Variants in AAK1 observed in about 807,000 individuals in gnomAD.
AAK1 encodes AP2 associated kinase 1.
In AAK1, 37 loss-of-function variants were observed where a neutral mutation model predicts 116.0. That is an observed-to-expected ratio of 0.32 (90% CI 0.25 to 0.42). The LOEUF (loss-of-function observed/expected upper bound fraction) is 0.42. AAK1 is among the 10% of genes least tolerant of loss of function. The pLI, the probability that AAK1 is intolerant of heterozygous loss-of-function variation, is 1.00. For synonymous variants in AAK1, 458 were observed against 439.9 expected, an observed-to-expected ratio of 1.04 and a Z score of -0.51; for missense variants, 919 against 1,170.6, an observed-to-expected ratio of 0.79 and a Z score of 3.14.
chr2:69,637,824 G>A (rs546425350), intron 2 of AAK1, among the ~76,000 whole-genome samples: 3 of 152,036 alleles, frequency 2.0e-5, no homozygotes, highest in East Asian at 1.9e-4. Flanking sequence ...TCTACATGGC[G>A]TTTTAGCTAC....
At chr2:69,524,658 C>T (rs1354191875) in intron 10 of AAK1, among the ~76,000 whole-genome samples, 2 of 152,094 alleles carry the variant, frequency 1.3e-5, no homozygotes, top group Admixed American at 6.6e-5. Flanking sequence ...GTCTTGAACT[C>T]CCGACCTCAG....
In AAK1 at chr2:69,502,166, GATATAT is replaced by G. The variant is rs150369717; in HGVS notation, c.2269+3397_2269+3402del. ...AAATTAATGTACACAGATATTAAAA[GATATAT>G]ATATATATTGTTGTACTTTAATGAA... On this transcript the variant is annotated intron_variant, in intron 16 of 21. Transcript: ENST00000409085. Among the ~76,000 whole-genome samples, 384 of 151,008 alleles carry G rather than the reference GATATAT, an allele frequency of 2.5e-3. 1 individual carries two copies. The highest frequency in any genetic ancestry group is 8.8e-3 in the African/African-American group (362 of 41,188).
At chr2:69,587,961 C>A (rs1672864157) in intron 2 of AAK1, among the ~76,000 whole-genome samples, 1 of 151,942 alleles carries the variant, frequency 6.6e-6, no homozygotes, top group African/African-American at 2.4e-5. Context: ...CAAGGTCTCA[C>A]TATGTTGTCC....
At chr2:69,489,949 T>C (rs1156889943) in intron 17 of AAK1, among the ~76,000 whole-genome samples, 3 of 152,126 alleles carry the variant, frequency 2.0e-5, no homozygotes, top group African/African-American at 7.2e-5. Context: ...CAGTTGGAAA[T>C]GAGGAAGAGG....
chr2:69,519,038 C>T lies in AAK1; in HGVS notation c.1413G>A (p.Gln471=), dbSNP rs1669622827. The T allele has an allele frequency of 6.4e-7, 1 of 1,550,714 alleles. No individual in the cohort carries two copies. The highest frequency in any genetic ancestry group is 8.7e-7 in the Non-Finnish European group (1 of 1,146,704). The change falls in exon 12 of 22, where the codon CAG becomes CAA. Residue 471 remains glutamine (Q), a synonymous_variant. Transcript: ENST00000409085. The part of the protein sequence containing the change: ...PQHQQQLFLK[Q]QQQQQQPPPA... ...GCGGTGGCTGTTGCTGCTGCTGTTG[C>T]TGCTTGAGGAAGAGTTGCTGCTGGT... is the stretch of plus-strand genomic sequence containing the variant.
At position 69,478,963 on chromosome 2, in the gene AAK1, G is replaced by A. The variant is rs1385806196; in HGVS notation, c.2668C>T (p.Pro890Ser). The part of the protein sequence containing the change: ...EEFAPTAISA[P>S]VHKAAEDSNL... ...AGAAAGCATTTACCTTTATGGACTG[G>A]AGCAGAGATTGCTGTGGGGGCAAAC... is the stretch of plus-strand genomic sequence containing the variant. The change falls in exon 20 of 22, where the codon CCA becomes TCA. Residue 890 changes from proline to serine, a missense_variant. Pro to Ser is a moderately conservative substitution (Grantham distance 74). Around this residue, in one of 4 missense-constraint regions of AAK1, gnomAD observed 263 missense variants for 285.5 expected, o/e 0.92. Coordinates refer to ENST00000409085, the MANE Select transcript of AAK1 (RefSeq NM_014911.5). 2 of 1,611,618 alleles carry A rather than the reference G, an allele frequency of 1.2e-6. No individual in the cohort carries two copies. The highest frequency in any genetic ancestry group is 1.1e-5 in the South Asian group (1 of 91,022).
At chr2:69,587,473 A>AT (rs201115417) in intron 2 of AAK1, among the ~76,000 whole-genome samples, 2,970 of 145,560 alleles carry the variant, frequency 0.02, 222 homozygotes, top group East Asian at 0.14. Flanking sequence ...ATATATATAT[A>AT]TATATTTTTT....
chr2:69,570,955 T>A (rs60701384), intron 2 of AAK1, among the ~76,000 whole-genome samples: 18,524 of 151,892 alleles, frequency 0.12, 2,518 homozygotes, highest in African/African-American at 0.31. Context: ...GCTCTAAGTT[T>A]GGTGTAGATC....
rs1364671025 is a variant in AAK1 at position 69,570,014 on chromosome 2, G to A, written c.164-13036C>T. On this transcript the variant is annotated intron_variant, in intron 2 of 21. Coordinates refer to ENST00000409085, the MANE Select transcript of AAK1 (RefSeq NM_014911.5). ...AGTAGAAGTGCTGGGTCACTGGATA[G>A]GTATATGTTTAATTTTATAAGAAAG... Among the ~76,000 whole-genome samples, 5 of 152,132 alleles carry A rather than the reference G, an allele frequency of 3.3e-5. No individual in the cohort carries two copies. In the East Asian group the frequency reaches 7.8e-4, roughly 24 times the overall value.
chr2:69,556,788 T>C (rs1346722265), intron 3 of AAK1, 72 bp downstream of exon 3: 13 of 1,225,902 alleles, frequency 1.1e-5, no homozygotes, highest in Middle Eastern at 1.9e-4. Context: ...CAAACCCCGC[T>C]TGGCTTTCTT....
intron 15 of AAK1, among the ~76,000 whole-genome samples, chr2:69,506,112 C>T (rs1476307081): frequency 6.6e-6 from 1 of 151,860 alleles, no homozygotes; most frequent in African/African-American, 2.4e-5. Context: ...AATAATGAGA[C>T]GTTATGAGGG....
At chr2:69,643,483 T>C in intron 1 of AAK1, 92 bp downstream of exon 1, 1 of 1,216,258 alleles carries the variant, frequency 8.2e-7, no homozygotes, top group Non-Finnish European at 1.0e-6. Context: ...GGATCCGAGC[T>C]GCTCCGGCAG....
intron 17 of AAK1, among the ~76,000 whole-genome samples, chr2:69,483,952 A>G (rs1675193117): frequency 6.6e-6 from 1 of 152,242 alleles, no homozygotes; most frequent in African/African-American, 2.4e-5. Flanking sequence ...TATTAAAGGT[A>G]AAGCATTAAC....
chr2:69,501,795 C>A (rs1675988819), intron 16 of AAK1, among the ~76,000 whole-genome samples: 1 of 152,062 alleles, frequency 6.6e-6, no homozygotes, highest in Non-Finnish European at 1.5e-5. Context: ...TATGGTGAAA[C>A]CCCATCTCTA....
In AAK1 at chr2:69,467,218, C is replaced by T. The variant is rs1674516590; in HGVS notation, c.*8651G>A. ...GCCCCAGAATTTTGTTTTCAGTCTT[C>T]TAAGTTCATAAAGATCTCCTCTGCT... On this transcript the variant is annotated 3_prime_UTR_variant, in exon 22 of 22. Transcript: ENST00000409085. 4.1e-6 allele frequency: 4 copies of T among 985,260 alleles called. No individual in the cohort carries two copies. The highest frequency in any genetic ancestry group is 6.1e-5 in the Admixed American group (1 of 16,262). The allele number at this position is 985,260 out of a possible 1,614,324, so 61.0% of individuals were successfully genotyped here. A position where few individuals can be genotyped will look rare whatever the true frequency, so the allele number is the denominator to read the frequency against.
intron 5 of AAK1, among the ~76,000 whole-genome samples, chr2:69,538,743 G>A (rs181579988): frequency 6.6e-5 from 10 of 152,250 alleles, no homozygotes; most frequent in Middle Eastern, 3.4e-3. Flanking sequence ...TTAGCCACGC[G>A]TGGTGGCGGG....
rs1323352283 is a variant in AAK1, at chr2:69,463,367, A to G, written c.*12502T>C. On this transcript the variant is annotated 3_prime_UTR_variant, in exon 22 of 22. Transcript: ENST00000409085. Reference sequence around the variant, plus strand: ...ATACAGGCTTTATTTTTATTATTATATTTTTGGAGACAGTGTCTCACTCTG... The same window carrying G: ...ATACAGGCTTTATTTTTATTATTATGTTTTTGGAGACAGTGTCTCACTCTG... The G allele has an allele frequency of 1.3e-5, 2 of 152,048 alleles. No individual in the cohort carries two copies. The highest frequency in any genetic ancestry group is 2.9e-5 in the Non-Finnish European group (2 of 68,028). 9.4% of individuals were successfully genotyped at this position (152,048 alleles called of 1,614,324 possible).
At chr2:69,532,188 T>C in intron 5 of AAK1, 26 bp from the exon 6 acceptor site, 1 of 1,611,556 alleles carries the variant, frequency 6.2e-7, no homozygotes. Context: ...CAACCACCCA[T>C]TCCAAGATAT....
chr2:69,608,964 T>C (rs1302952274), intron 2 of AAK1, among the ~76,000 whole-genome samples: 1 of 152,140 alleles, frequency 6.6e-6, no homozygotes, highest in African/African-American at 2.4e-5. Context: ...CTGAAAGAAA[T>C]TGGAGAAGAC....
Sources: allele counts gnomAD v4.1 joint callset (sites outside exome capture counted in the v4.1 genomes callset), GRCh38; gene constraint gnomAD v4.1.1; regional missense constraint gnomAD v4.1.1; transcripts MANE v1.5; gene names NCBI Gene and HGNC (gene_info 2026-07-23, HGNC 2026-07-21).